The following CEP83 variants were observed in gnomAD, a reference collection of about 807,000 sequenced individuals.
The protein encoded by CEP83 is centrosomal protein of 83 kDa.
CEP83 carries 70 observed loss-of-function variants against 101.9 expected under a neutral mutation model. The observed-to-expected ratio is 0.69, with a 90% confidence interval of 0.57 to 0.84. The LOEUF (loss-of-function observed/expected upper bound fraction) is 0.84, where lower values mean the gene tolerates loss of function less well. Among genes scored for constraint, CEP83 ranks in the 40% least tolerant of loss-of-function variants. The pLI, the probability that CEP83 is intolerant of heterozygous loss-of-function variation, is 0.00. For synonymous variants in CEP83, 264 were observed against 267.9 expected (o/e 0.99, Z 0.14); for missense variants, 715 against 787.2 (o/e 0.91, Z 1.10).
At chr12:94,421,031 A>G (rs2064699598) in intron 2 of CEP83, among the ~76,000 whole-genome samples, 1 of 151,766 alleles carries the variant, frequency 6.6e-6, no homozygotes, top group Non-Finnish European at 1.5e-5. Context: ...GTACTTTTCT[A>G]TATGTATATT....
the CEP83 span, among the ~76,000 whole-genome samples, chr12:94,269,037 G>A: frequency 2.0e-5 from 3 of 152,180 alleles, no homozygotes; most frequent in Non-Finnish European, 4.4e-5. Flanking sequence ...GTGAAAGTTT[G>A]AGGATTTCAC....
chr12:94,424,197 G>A, intron 2 of CEP83: 1 of 1,608,970 alleles, frequency 6.2e-7, no homozygotes, highest in Non-Finnish European at 8.5e-7. Flanking sequence ...AACCCATTCT[G>A]AAGAGCTGTG....
chr12:94,416,315 A>G (rs2064261291), intron 2 of CEP83, among the ~76,000 whole-genome samples: 1 of 152,204 alleles, frequency 6.6e-6, no homozygotes, highest in Non-Finnish European at 1.5e-5. Context: ...TAGAAGGCTG[A>G]CTAGCTATGG....
At chr12:94,412,813 T>C (rs570450581) in intron 2 of CEP83, among the ~76,000 whole-genome samples, 1 of 150,910 alleles carries the variant, frequency 6.6e-6, no homozygotes, top group East Asian at 2.0e-4. Context: ...CTCAGCTTCC[T>C]GAATAGCTGG....
chr12:94,348,634 TCATGG>T (rs1164861669), intron 11 of CEP83, among the ~76,000 whole-genome samples: 5 of 152,092 alleles, frequency 3.3e-5, no homozygotes, highest in Non-Finnish European at 7.4e-5. Flanking sequence ...CCAAAAAGGC[TCATGG>T]TCACTGTTTG....
At chr12:94,329,438 T>C (rs1470945550) in intron 14 of CEP83, among the ~76,000 whole-genome samples, 1 of 152,120 alleles carries the variant, frequency 6.6e-6, no homozygotes, top group East Asian at 1.9e-4. Flanking sequence ...AGTTTTTTCA[T>C]GTTTTATAGA....
In CEP83 at chr12:94,309,993, T is replaced by G; in HGVS notation, c.1926A>C (p.Ala642=). 6.2e-7 allele frequency: 1 copy of G among 1,612,630 alleles called. No homozygotes were observed. Among genetic ancestry groups the G allele is most frequent in the South Asian group, 1.1e-5 (1 of 90,926 alleles). ...ACTGAAAGCTAACAGGATTGATAGA[T>G]GCTGTTGGAGGCATGTTAGGAACCA... ...LILVPNMPPT[A]SINPVSFQSS... is the part of the protein sequence containing the mutation. The change falls in exon 16 of 17, where the codon GCA becomes GCC. Residue 642 remains alanine, a synonymous_variant. Transcript: ENST00000397809.
intron 2 of CEP83, among the ~76,000 whole-genome samples, chr12:94,426,105 G>C (rs1282209952): frequency 6.7e-6 from 1 of 150,242 alleles, no homozygotes; most frequent in South Asian, 2.1e-4. Context: ...CTGGGTGACA[G>C]AGCGAAACTC....
chr12:94,379,674 T>C (rs769688264), intron 6 of CEP83, among the ~76,000 whole-genome samples: 10 of 152,108 alleles, frequency 6.6e-5, no homozygotes, highest in Non-Finnish European at 1.2e-4. Flanking sequence ...GAGACACCAG[T>C]GGTCTTGTCA....
intron 4 of CEP83, among the ~76,000 whole-genome samples, chr12:94,408,926 T>C (rs1156685146): frequency 6.6e-6 from 1 of 152,132 alleles, no homozygotes; most frequent in African/African-American, 2.4e-5. Context: ...AGTCATCCTA[T>C]GAGCTAGGCA....
intron 1 of CEP83, among the ~76,000 whole-genome samples, chr12:94,448,119 A>T (rs566246304): frequency 1.7e-3 from 253 of 152,132 alleles, no homozygotes; most frequent in African/African-American, 5.7e-3. Context: ...GGATTTTTTT[A>T]AAAAAATACA....
the CEP83 span, chr12:94,282,300 C>T: frequency 6.2e-7 from 1 of 1,609,946 alleles, no homozygotes; most frequent in African/African-American, 1.3e-5. Context: ...TTTTTCAGAG[C>T]TTCAAATGGG....
intron 4 of CEP83, among the ~76,000 whole-genome samples, chr12:94,405,596 G>C (rs1246309566): frequency 1.3e-5 from 2 of 152,128 alleles, no homozygotes; most frequent in Non-Finnish European, 2.9e-5. Context: ...GATAGAATAA[G>C]AGCCCAGATT....
chr12:94,444,320 C>T (rs910635167), intron 1 of CEP83, among the ~76,000 whole-genome samples: 2 of 152,108 alleles, frequency 1.3e-5, no homozygotes, highest in Admixed American at 6.5e-5. Context: ...ATCACTTGAA[C>T]GTGGGATGCA....
At chr12:94,413,857 CACACACACAT>C (rs1185309266) in intron 2 of CEP83, among the ~76,000 whole-genome samples, 29 of 146,184 alleles carry the variant, frequency 2.0e-4, no homozygotes, top group African/African-American at 6.2e-4. Flanking sequence ...CACACACACA[CACACACACAT>C]ACATACATAT....
chr12:94,297,518 C>A, the CEP83 span: 1 of 844,962 alleles, frequency 1.2e-6, no homozygotes. Flanking sequence ...TGTTACAAAT[C>A]CCTTGTGCCT....
intron 6 of CEP83, among the ~76,000 whole-genome samples, chr12:94,386,028 G>T (rs778931231): frequency 6.6e-6 from 1 of 152,120 alleles, no homozygotes; most frequent in Non-Finnish European, 1.5e-5. Flanking sequence ...TGCCATCTAG[G>T]TGCATATATG....
At chr12:94,319,801 G>A (rs908172847) in intron 14 of CEP83, among the ~76,000 whole-genome samples, 2 of 152,198 alleles carry the variant, frequency 1.3e-5, no homozygotes, top group African/African-American at 2.4e-5. Context: ...TATGTGCCAT[G>A]CAGCAATGAG....
chr12:94,271,776 T>C, the CEP83 span, among the ~76,000 whole-genome samples: 1 of 152,242 alleles, frequency 6.6e-6, no homozygotes, highest in Non-Finnish European at 1.5e-5. Context: ...AGGTGTGCTT[T>C]TCTCTTGTCT....
Sources: allele counts gnomAD v4.1 joint callset (sites outside exome capture counted in the v4.1 genomes callset), GRCh38; gene constraint gnomAD v4.1.1; transcripts MANE v1.5; gene names NCBI Gene and HGNC (gene_info 2026-07-23, HGNC 2026-07-21).